Variants in PPID observed in about 807,000 individuals in gnomAD.
PPID encodes the protein peptidylprolyl isomerase D.
PPID carries 47 observed loss-of-function variants against 48.1 expected under a neutral mutation model. The ratio of observed to expected loss-of-function variants is 0.98; its 90% CI spans 0.77 to 1.25. The LOEUF (loss-of-function observed/expected upper bound fraction) is 1.25. PPID is among the 50% of genes most tolerant of loss of function. PPID has a pLI of 0.00. For synonymous variants in PPID, 163 were observed against 148.8 expected (o/e 1.10, Z -0.69); for missense variants, 429 against 443.5 (o/e 0.97, Z 0.29).
At chr4:158,713,061 T>A (rs1212018816) in intron 7 of PPID, 58 bp downstream of exon 7, 1 of 1,554,510 alleles carries the variant, frequency 6.4e-7, no homozygotes, top group East Asian at 2.2e-5. Context: ...AAGTTGCTAC[T>A]ATTCAAACTA....
chr4:158,721,979 T>C (rs1360412604), intron 1 of PPID, among the ~76,000 whole-genome samples: 2 of 152,218 alleles, frequency 1.3e-5, no homozygotes, highest in Non-Finnish European at 2.9e-5. Flanking sequence ...CCTAGTTTGA[T>C]TCCATTATCT....
chr4:158,716,070 G>T (rs1157298810), intron 4 of PPID, among the ~76,000 whole-genome samples: 3 of 151,800 alleles, frequency 2.0e-5, no homozygotes, highest in African/African-American at 7.3e-5. Context: ...TAGTATTATG[G>T]TCGTTTAGGG....
intron 9 of PPID, chr4:158,710,219 G>C (rs1462096487): frequency 5.9e-6 from 2 of 338,802 alleles, no homozygotes; most frequent in African/African-American, 2.1e-5. Flanking sequence ...TCAATACTAA[G>C]GTTATAGCCA....
chr4:158,709,562 G>T lies in PPID; in HGVS notation c.*174C>A. 1 of 498,998 alleles carries T rather than the reference G, an allele frequency of 2.0e-6. No homozygotes were observed. Among genetic ancestry groups the T allele is most frequent in the Non-Finnish European group, 3.5e-6 (1 of 285,990 alleles). The allele number at this position is 498,998 out of a possible 1,614,324, so 30.9% of individuals were successfully genotyped here. ...AACAAACAAAACCACTTTACTTACT[G>T]TATTGTGACATGTTTATTAAGCATG... On this transcript the variant is annotated 3_prime_UTR_variant, in exon 10 of 10. Transcript: ENST00000307720.
rs764322744 is a variant in PPID at position 158,709,760 on chromosome 4, T to C, written c.1089A>G (p.Ala363=). 5 of 1,610,054 alleles carry C rather than the reference T, an allele frequency of 3.1e-6. No individual in the cohort carries two copies. Among genetic ancestry groups the C allele is most frequent in the Admixed American group, 3.3e-5 (2 of 59,958 alleles). The stretch of plus-strand genomic sequence containing the variant: ...TCTAAGCAAACATTTTTGCATATAC[T>C]GCCTTCTCTTTATCTTTCTGTGCCT... ...KIKAQKDKEK[A]VYAKMFA is the part of the protein sequence containing the mutation. Residue 363 remains alanine (A), a synonymous_variant, in exon 10 of 10, where the codon GCA becomes GCG. Coordinates refer to ENST00000307720, the MANE Select transcript of PPID (RefSeq NM_005038.3).
chr4:158,720,589 A>G (rs559252595), intron 2 of PPID, among the ~76,000 whole-genome samples: 56 of 152,240 alleles, frequency 3.7e-4, no homozygotes, highest in Non-Finnish European at 6.8e-4. Context: ...ACAAAGTGTA[A>G]TAAGCAGTAT....
In PPID at chr4:158,710,834, G is replaced by A. The variant is rs1561254200; in HGVS notation, c.909C>T (p.Asp303=). The A allele has an allele frequency of 2.3e-5, 37 of 1,612,032 alleles. No individual in the cohort carries two copies. The highest frequency in any genetic ancestry group is 3.0e-5 in the Non-Finnish European group (35 of 1,178,186). ...IDSCLEALEL[D]PSNTKALYRR... is the part of the protein sequence containing the mutation. ...GGTACAATGCTTTGGTATTTGATGG[G>A]TCTAGTTCAAGAGCCTACAAAAAAG... is the stretch of plus-strand genomic sequence containing the variant. Residue 303 remains aspartate, a synonymous_variant, in exon 8 of 10, where the codon GAC becomes GAT. Coordinates refer to ENST00000307720, the MANE Select transcript of PPID (RefSeq NM_005038.3).
intron 7 of PPID, among the ~76,000 whole-genome samples, chr4:158,711,388 C>T (rs1401419739): frequency 1.3e-5 from 2 of 148,322 alleles, no homozygotes; most frequent in African/African-American, 5.2e-5. Flanking sequence ...CCACACCAGA[C>T]TAATTTTTTT....
At chr4:158,710,420 T>C (rs1423596229) in intron 9 of PPID, 2 of 611,728 alleles carry the variant, frequency 3.3e-6, no homozygotes, top group Non-Finnish European at 2.9e-6. Flanking sequence ...AACTACTATA[T>C]TCTTGAATGG....
chr4:158,711,801 T>C (rs1264644421), intron 7 of PPID, among the ~76,000 whole-genome samples: 1 of 151,924 alleles, frequency 6.6e-6, no homozygotes, highest in Non-Finnish European at 1.5e-5. Context: ...AACCCATCTC[T>C]ACAAAAAATT....
At chr4:158,722,695 T>C (rs1774983691) in intron 1 of PPID, among the ~76,000 whole-genome samples, 1 of 152,212 alleles carries the variant, frequency 6.6e-6, no homozygotes, top group African/African-American at 2.4e-5. Context: ...GAGAAAATGT[T>C]TGCTCATCTG....
chr4:158,710,306 T>G (rs1774766797), intron 9 of PPID: 1 of 438,102 alleles, frequency 2.3e-6, no homozygotes, highest in Non-Finnish European at 4.1e-6. Context: ...TCGACTAGAC[T>G]AACCAGAATA....
chr4:158,723,102 G>A, intron 1 of PPID, 102 bp downstream of exon 1: 1 of 1,200,354 alleles, frequency 8.3e-7, no homozygotes, highest in South Asian at 1.3e-5. Context: ...CCGCGAAACT[G>A]AGCAGTCACC....
At position 158,710,080 on chromosome 4, in the gene PPID, G is replaced by A. The variant is rs74878802; in HGVS notation, c.1025-256C>T. On this transcript the variant is annotated intron_variant, in intron 9 of 9. Coordinates refer to ENST00000307720, the MANE Select transcript of PPID (RefSeq NM_005038.3). ...TTAGAGAACAGTAATTGCTTCCCTT[G>A]TTTCATTTTAGTAATAAGAGACCAA... The A allele has an allele frequency of 2.3e-3, 1,063 of 465,232 alleles. 8 individuals are homozygous for A. Among genetic ancestry groups the A allele is most frequent in the African/African-American group, 0.019 (947 of 49,938 alleles). The allele number at this position is 465,232 out of a possible 1,614,324, so 28.8% of individuals were successfully genotyped here. A position where few individuals can be genotyped will look rare whatever the true frequency, so the allele number is the denominator to read the frequency against.
At chr4:158,715,465 T>G in intron 5 of PPID, 62 bp from the exon 6 acceptor site, 2 of 1,526,974 alleles carry the variant, frequency 1.3e-6, no homozygotes, top group South Asian at 2.4e-5. Context: ...TGCTAGATTC[T>G]ATCATATGAG....
At chr4:158,715,800 C>G (rs1774862291) in intron 4 of PPID, 116 bp from the exon 5 acceptor site, 1 of 1,137,876 alleles carries the variant, frequency 8.8e-7, no homozygotes, top group Non-Finnish European at 1.3e-6. Flanking sequence ...TGAGAAGGCT[C>G]ATTTATGTAC....
At chr4:158,710,357 T>C in intron 9 of PPID, 1 of 543,470 alleles carries the variant, frequency 1.8e-6, no homozygotes, top group East Asian at 3.3e-5. Context: ...AAACAGTATT[T>C]AGACATATAA....
At chr4:158,718,878 C>T (rs1774911644) in intron 3 of PPID, among the ~76,000 whole-genome samples, 1 of 152,108 alleles carries the variant, frequency 6.6e-6, no homozygotes, top group Non-Finnish European at 1.5e-5. Flanking sequence ...AAGTTACCAT[C>T]CTTCCAACAA....
chr4:158,716,464 CTT>C (rs1253813229), intron 4 of PPID, among the ~76,000 whole-genome samples: 1 of 150,808 alleles, frequency 6.6e-6, no homozygotes, highest in Non-Finnish European at 1.5e-5. Flanking sequence ...TATAGGAAGA[CTT>C]AACGTAAACT....
Sources: allele counts gnomAD v4.1 joint callset (sites outside exome capture counted in the v4.1 genomes callset), GRCh38; gene constraint gnomAD v4.1.1; transcripts MANE v1.5; gene names NCBI Gene and HGNC (gene_info 2026-07-23, HGNC 2026-07-21).